HMGCS1: variants seen among roughly 807,000 people sequenced by gnomAD.
HMGCS1 encodes hydroxymethylglutaryl-CoA synthase, cytoplasmic.
A neutral mutation model predicts 52.3 loss-of-function variants in HMGCS1; 9 were observed. The observed-to-expected ratio is 0.17, with a 90% CI of 0.10 to 0.30. The LOEUF (loss-of-function observed/expected upper bound fraction) is 0.30, where lower values mean the gene tolerates loss of function less well. Among genes scored for constraint, HMGCS1 ranks in the 10% least tolerant of loss-of-function variants. The pLI, the probability that HMGCS1 is intolerant of heterozygous loss-of-function variation, is 1.00. For synonymous variants in HMGCS1, 176 were observed against 214.4 expected (o/e 0.82, Z 1.57); for missense variants, 320 against 620.9 (o/e 0.52, Z 5.15).
intron 8 of HMGCS1, among the ~76,000 whole-genome samples, chr5:43,293,443 C>T (rs760752016): frequency 2.3e-4 from 35 of 152,196 alleles, no homozygotes; most frequent in Non-Finnish European, 4.7e-4. Context: ...TTTATCTCTA[C>T]ATTTTTGCTC....
intron 6 of HMGCS1, 24 bp from the exon 7 acceptor site, chr5:43,294,885 TAC>T (rs1316325139): frequency 6.5e-7 from 1 of 1,533,254 alleles, no homozygotes; most frequent in Non-Finnish European, 8.9e-7. Flanking sequence ...TTTACAGTTT[TAC>T]AGTGTTTAAA....
intron 2 of HMGCS1, among the ~76,000 whole-genome samples, chr5:43,307,442 G>A (rs756441954): frequency 1.2e-4 from 19 of 152,216 alleles, no homozygotes; most frequent in Non-Finnish European, 2.1e-4. Context: ...AATTTAAAAA[G>A]CACTAATGGC....
Position 43,290,191 on chromosome 5 carries a change from T to C in HMGCS1, c.*940A>G, listed in dbSNP as rs1022836762. 3.9e-5 allele frequency: 6 copies of C among 152,308 alleles called. No homozygotes were observed. The highest frequency in any genetic ancestry group is 1.3e-4 in the Admixed American group (2 of 15,232). 9.4% of individuals were successfully genotyped at this position (152,308 alleles called of 1,614,324 possible). On this transcript the variant is annotated 3_prime_UTR_variant, in exon 11 of 11. Coordinates refer to ENST00000325110, the MANE Select transcript of HMGCS1 (RefSeq NM_001098272.3). ...ATTTATAACACTGAAGCATCAGAAATAGCCTAATAATGCCCTGCCCCTATT... is the reference window on the plus strand; with the variant it reads ...ATTTATAACACTGAAGCATCAGAAACAGCCTAATAATGCCCTGCCCCTATT...
intron 2 of HMGCS1, among the ~76,000 whole-genome samples, chr5:43,305,623 A>G (rs1383887726): frequency 6.6e-6 from 1 of 151,892 alleles, no homozygotes; most frequent in African/African-American, 2.4e-5. Context: ...TACAAAAATT[A>G]GCTGGTTTTG....
intron 4 of HMGCS1, among the ~76,000 whole-genome samples, 171 bp downstream of exon 4, chr5:43,297,838 C>CAA (rs371302116): frequency 1.3e-4 from 9 of 67,910 alleles, no homozygotes; most frequent in African/African-American, 2.9e-4. Context: ...AACTCGGTCT[C>CAA]AAAAAAAAAA....
At chr5:43,291,957 A>C (rs1377378178) in intron 10 of HMGCS1, among the ~76,000 whole-genome samples, 1 of 148,648 alleles carries the variant, frequency 6.7e-6, no homozygotes, top group African/African-American at 2.5e-5. Context: ...TCCTGGTATC[A>C]TTAATAAAAC....
chr5:43,297,695 C>T (rs1306296004), intron 4 of HMGCS1, among the ~76,000 whole-genome samples: 2 of 151,960 alleles, frequency 1.3e-5, no homozygotes, highest in Non-Finnish European at 2.9e-5. Context: ...AAAAATTAGC[C>T]AGGCATGGTG....
rs1754660889 is a variant in HMGCS1, at chr5:43,307,955, T to C, written c.-69-131A>G. On this transcript the variant is annotated intron_variant, in intron 1 of 10. Coordinates refer to ENST00000325110, the MANE Select transcript of HMGCS1 (RefSeq NM_001098272.3). ...CAATTACATTATGCAGAATAGAATT[T>C]GACATTTGCTTAGAAAAAATCATAC... 2.6e-5 allele frequency: 4 copies of C among 152,240 alleles called. No homozygotes were observed. In the South Asian group the frequency reaches 8.3e-4, roughly 31 times the overall value. 9.4% of individuals were successfully genotyped at this position (152,240 alleles called of 1,614,324 possible).
intron 2 of HMGCS1, among the ~76,000 whole-genome samples, chr5:43,304,111 T>C (rs1754450144): frequency 6.6e-6 from 1 of 152,206 alleles, no homozygotes; most frequent in South Asian, 2.1e-4. Context: ...AAGTTTATAG[T>C]AAAATAAGAT....
chr5:43,290,975 T>C lies in HMGCS1; in HGVS notation c.*156A>G, dbSNP rs143673457. On this transcript the variant is annotated 3_prime_UTR_variant, in exon 11 of 11. Coordinates refer to ENST00000325110, the MANE Select transcript of HMGCS1 (RefSeq NM_001098272.3). ...AATAGAGCAAAGAGACTTTCCCAAG[T>C]ACACGATAGTCATCCAGGCTCCATG... The C allele has an allele frequency of 7.5e-4, 438 of 581,286 alleles. No individual in the cohort carries two copies. The highest frequency in any genetic ancestry group is 7.1e-3 in the African/African-American group (385 of 54,080). The allele number at this position is 581,286 out of a possible 1,614,324, so 36.0% of individuals were successfully genotyped here.
rs996292751 is a variant in HMGCS1, at chr5:43,298,991, A to T, written c.-10-16T>A. The T allele has an allele frequency of 6.4e-7, 1 of 1,556,974 alleles. No individual in the cohort carries two copies. Among genetic ancestry groups the T allele is most frequent in the Non-Finnish European group, 8.7e-7 (1 of 1,155,684 alleles). ...GGTGAAAGAGCTTTAGAAAGGAGAA[A>T]CAGAAAAAAAATTGTTTTAGGTTAT... On this transcript the variant is annotated splice_polypyrimidine_tract_variant and intron_variant, in intron 2 of 10. Transcript: ENST00000325110. The surrounding 1 kb of genome is among the most constrained non-coding windows in gnomAD (Gnocchi z 5.6).
intron 2 of HMGCS1, among the ~76,000 whole-genome samples, chr5:43,305,717 C>G (rs181756254): frequency 6.2e-4 from 92 of 149,286 alleles, no homozygotes; most frequent in Non-Finnish European, 9.2e-4. Context: ...TTGCAGTGAG[C>G]CAAGATCTGA....
chr5:43,308,470 C>T (rs1004095693), intron 1 of HMGCS1, among the ~76,000 whole-genome samples: 1 of 152,154 alleles, frequency 6.6e-6, no homozygotes, highest in Admixed American at 6.5e-5. Flanking sequence ...TCTAGCAAGA[C>T]CTAATCATTT....
At chr5:43,304,901 A>T (rs1356920428) in intron 2 of HMGCS1, among the ~76,000 whole-genome samples, 3 of 152,252 alleles carry the variant, frequency 2.0e-5, no homozygotes, top group Admixed American at 2.0e-4. Context: ...AAAGAGAGTG[A>T]TTAAGTTGAC....
At chr5:43,296,735 CCTT>C (rs1754047813) in intron 5 of HMGCS1, among the ~76,000 whole-genome samples, 2 of 152,192 alleles carry the variant, frequency 1.3e-5, no homozygotes, top group African/African-American at 4.8e-5. Context: ...ATTCAACTTA[CCTT>C]CTTTTCTCCA....
At chr5:43,295,547 G>A (rs915377498) in intron 6 of HMGCS1, among the ~76,000 whole-genome samples, 9 of 152,136 alleles carry the variant, frequency 5.9e-5, no homozygotes, top group Admixed American at 2.6e-4. Flanking sequence ...CAGAAAATCT[G>A]AATAGAAATG....
chr5:43,305,030 A>G (rs557759379), intron 2 of HMGCS1, among the ~76,000 whole-genome samples: 37 of 151,898 alleles, frequency 2.4e-4, no homozygotes, highest in Non-Finnish European at 4.7e-4. Flanking sequence ...CTTGTTGCCC[A>G]GGCTGGAGTG....
chr5:43,288,650 T>C lies in HMGCS1; in HGVS notation c.*2481A>G, dbSNP rs1753601640. 6.6e-6 allele frequency: 1 copy of C among 151,942 alleles called. No individual in the cohort carries two copies. The highest frequency in any genetic ancestry group is 2.1e-4 in the South Asian group (1 of 4,824). The allele number at this position is 151,942 out of a possible 1,614,324, so 9.4% of individuals were successfully genotyped here. On this transcript the variant is annotated 3_prime_UTR_variant, in exon 11 of 11. Coordinates refer to ENST00000325110, the MANE Select transcript of HMGCS1 (RefSeq NM_001098272.3). ...TTCCATAAAGGAGAGGGGGAAAGAT[T>C]GAATTCTTAAAGCCATACTAAATAA...
At chr5:43,312,678 A>G (rs769864136) in intron 1 of HMGCS1, among the ~76,000 whole-genome samples, 2 of 152,102 alleles carry the variant, frequency 1.3e-5, no homozygotes, top group Non-Finnish European at 2.9e-5. Context: ...AAGGAAGCCT[A>G]TTTTTTAAAA....
Sources: gnomAD v4.1 joint callset for allele counts (sites outside exome capture counted in the v4.1 genomes callset) on GRCh38, gnomAD v4.1.1 for gene constraint, Gnocchi (gnomAD v3.1) non-coding constraint, MANE v1.5 for transcripts, NCBI Gene and HGNC (gene_info 2026-07-23, HGNC 2026-07-21) for gene names.